Variants in ANO4 observed in about 807,000 individuals in gnomAD.
ANO4 encodes anoctamin 4, also known as anoctamin-4.
Under a neutral mutation model 141.9 loss-of-function variants are expected in ANO4, and 69 were observed. That is an observed-to-expected ratio of 0.49 (90% confidence interval 0.40 to 0.59). The LOEUF (loss-of-function observed/expected upper bound fraction) is 0.59. Ranked by LOEUF, ANO4 falls within the 20% of genes least tolerant of loss-of-function variation. The pLI is 0.00. For synonymous variants in ANO4, 350 were observed against 394.3 expected (o/e 0.89, Z 1.33); for missense variants, 894 against 1,162.2 (o/e 0.77, Z 3.36).
intron 2 of ANO4, among the ~76,000 whole-genome samples, chr12:100,912,392 CAAAAAA>C (rs35934592): frequency 1.5e-5 from 1 of 67,360 alleles, no homozygotes. Context: ...AGGACTCTGT[CAAAAAA>C]AAAAAAAAAA....
chr12:100,782,515 G>T (rs903432982), intron 3 of ANO4, among the ~76,000 whole-genome samples: 2 of 152,062 alleles, frequency 1.3e-5, no homozygotes, highest in African/African-American at 4.8e-5. Context: ...CCAGTCCTTA[G>T]TCACTTTCTC....
intron 14 of ANO4, chr12:101,068,808 A>C: frequency 8.6e-7 from 1 of 1,158,872 alleles, no homozygotes; most frequent in Non-Finnish European, 1.3e-6. Context: ...CAGTCATCAA[A>C]AAGTATCTAT....
chr12:101,115,742 C>T (rs938821328), intron 24 of ANO4, among the ~76,000 whole-genome samples: 3 of 152,080 alleles, frequency 2.0e-5, no homozygotes, highest in Admixed American at 6.6e-5. Context: ...TTAAAATGGG[C>T]TTTTTCTTGA....
At chr12:101,073,973 ACT>A (rs1333793893) in intron 14 of ANO4, among the ~76,000 whole-genome samples, 1 of 151,828 alleles carries the variant, frequency 6.6e-6, no homozygotes, top group Non-Finnish European at 1.5e-5. Context: ...AGCATGCAAA[ACT>A]CTGTCTTGTA....
intron 5 of ANO4, among the ~76,000 whole-genome samples, chr12:100,965,373 C>A (rs1427092086): frequency 1.3e-5 from 2 of 152,232 alleles, no homozygotes; most frequent in East Asian, 1.9e-4. Context: ...CATCTTGTCT[C>A]ACCTGGCTAC....
At chr12:101,109,664 T>C (rs2050587914) in intron 22 of ANO4, among the ~76,000 whole-genome samples, 1 of 152,212 alleles carries the variant, frequency 6.6e-6, no homozygotes. Context: ...GGAGATACTC[T>C]GAGAATCTAC....
chr12:100,807,058 TC>T (rs1161062764), intron 1 of ANO4, among the ~76,000 whole-genome samples: 1 of 152,210 alleles, frequency 6.6e-6, no homozygotes, highest in East Asian at 1.9e-4. Context: ...TTCTACAATT[TC>T]CTTTTGTATT....
intron 13 of ANO4, among the ~76,000 whole-genome samples, chr12:101,044,023 G>A (rs751470039): frequency 1.3e-5 from 2 of 152,122 alleles, no homozygotes; most frequent in Non-Finnish European, 2.9e-5. Context: ...ACGGAGTTAA[G>A]GTGTATACTG....
At chr12:100,837,935 C>T (rs767165486) in intron 1 of ANO4, among the ~76,000 whole-genome samples, 3 of 152,058 alleles carry the variant, frequency 2.0e-5, no homozygotes, top group Non-Finnish European at 4.4e-5. Flanking sequence ...CCCCTTTCTT[C>T]TTATAACTGC....
At chr12:100,966,608 C>G (rs565701065) in intron 5 of ANO4, among the ~76,000 whole-genome samples, 1 of 151,976 alleles carries the variant, frequency 6.6e-6, no homozygotes, top group Non-Finnish European at 1.5e-5. Flanking sequence ...GTCTAACTAC[C>G]CACAAGACAT....
chr12:101,063,436 A>G (rs1186179905), intron 14 of ANO4, among the ~76,000 whole-genome samples: 1 of 152,218 alleles, frequency 6.6e-6, no homozygotes, highest in African/African-American at 2.4e-5. Context: ...TCATCATAAT[A>G]TATTACCTTT....
intron 14 of ANO4, chr12:101,068,657 A>G: frequency 7.6e-7 from 1 of 1,312,892 alleles, no homozygotes; most frequent in Non-Finnish European, 1.1e-6. Context: ...GAGCAAGAGA[A>G]TGACTTCCTT....
intron 2 of ANO4, among the ~76,000 whole-genome samples, chr12:100,921,856 G>GT (rs2136104160): frequency 6.6e-6 from 1 of 152,198 alleles, no homozygotes; most frequent in African/African-American, 2.4e-5. Flanking sequence ...ATCATAAAGT[G>GT]TTTGTGTTAA....
intron 1 of ANO4, among the ~76,000 whole-genome samples, chr12:100,859,740 A>G (rs2038374985): frequency 6.6e-6 from 1 of 152,140 alleles, no homozygotes; most frequent in Non-Finnish European, 1.5e-5. Flanking sequence ...GAGGGCAGAG[A>G]TAAGGTCTCG....
At chr12:100,789,595 A>G (rs1207443806) in intron 3 of ANO4, among the ~76,000 whole-genome samples, 1 of 152,168 alleles carries the variant, frequency 6.6e-6, no homozygotes, top group Admixed American at 6.5e-5. Context: ...TATGCTTCTC[A>G]TTTAGGTTAA....
intron 1 of ANO4, among the ~76,000 whole-genome samples, chr12:100,810,450 T>C (rs2035342866): frequency 2.0e-5 from 3 of 152,150 alleles, no homozygotes; most frequent in Non-Finnish European, 4.4e-5. Flanking sequence ...GCATTATTTT[T>C]CATACGGCAG....
intron 3 of ANO4, among the ~76,000 whole-genome samples, chr12:100,938,979 A>G (rs557281012): frequency 1.3e-5 from 2 of 152,204 alleles, no homozygotes; most frequent in Admixed American, 6.5e-5. Context: ...TTTCCAACCT[A>G]GAAGTCTTAA....
chr12:100,786,468 G>C (rs1285347841), intron 3 of ANO4, among the ~76,000 whole-genome samples: 1 of 152,164 alleles, frequency 6.6e-6, no homozygotes, highest in African/African-American at 2.4e-5. Flanking sequence ...CATTGGGGCA[G>C]GGCACTGGGC....
chr12:101,122,961 A>G (rs903769310), intron 26 of ANO4, among the ~76,000 whole-genome samples: 3 of 152,234 alleles, frequency 2.0e-5, no homozygotes, highest in African/African-American at 2.4e-5. Context: ...TTATATGTCA[A>G]TAAAAATATA....
Sources: allele counts gnomAD v4.1 joint callset (sites outside exome capture counted in the v4.1 genomes callset), GRCh38; gene constraint gnomAD v4.1.1; transcripts MANE v1.5; gene names NCBI Gene and HGNC (gene_info 2026-07-23, HGNC 2026-07-21).